Variants in ADAMTS3 observed in about 807,000 individuals in gnomAD.
ADAMTS3 encodes the protein ADAM metallopeptidase with thrombospondin type 1 motif 3, also known as A disintegrin and metalloproteinase with thrombospondin motifs 3.
Under a neutral mutation model 129.0 loss-of-function variants are expected in ADAMTS3, and 73 were observed. The observed-to-expected ratio is 0.57, with a 90% CI of 0.47 to 0.69. ADAMTS3 has a LOEUF of 0.69. Ranked by LOEUF, ADAMTS3 falls within the 30% of genes least tolerant of loss-of-function variation. The pLI, the probability that ADAMTS3 is intolerant of heterozygous loss-of-function variation, is 0.00. For synonymous variants in ADAMTS3, 477 were observed against 510.8 expected, an observed-to-expected ratio of 0.93 and a Z score of 0.89; for missense variants, 1,457 against 1,514.5, an observed-to-expected ratio of 0.96 and a Z score of 0.63.
At chr4:72,301,763 A>G (rs747867989) in intron 17 of ADAMTS3, among the ~76,000 whole-genome samples, 3 of 152,016 alleles carry the variant, frequency 2.0e-5, no homozygotes, top group Non-Finnish European at 4.4e-5. Context: ...CAATCCTTGT[A>G]AGAAGAGAAA....
chr4:72,521,152 C>G (rs891712193), intron 3 of ADAMTS3, among the ~76,000 whole-genome samples: 2 of 152,020 alleles, frequency 1.3e-5, no homozygotes, highest in African/African-American at 2.4e-5. Context: ...TTCCTGCCAC[C>G]ACCCCCAGCT....
At position 72,323,020 on chromosome 4, in the gene ADAMTS3, A is replaced by G. The variant is rs370250418; in HGVS notation, c.939T>C (p.Tyr313=). 1.1e-5 allele frequency: 18 copies of G among 1,612,410 alleles called. No homozygotes were observed. The African/African-American group carries it at 1.3e-4, about 12-fold the overall frequency. ...ATGTTTTAAGACATTTTACCTTTGC[A>G]TATCCCAGCATTATCATGCGCACCA... ...VVLVRMIMLG[Y]AKSISLIERG... is the part of the protein sequence containing the mutation. Residue 313 remains tyrosine (Y), a synonymous_variant, in exon 6 of 22, where the codon TAT becomes TAC. Transcript: ENST00000286657.
At chr4:72,536,984 A>C (rs959144625) in intron 3 of ADAMTS3, among the ~76,000 whole-genome samples, 1 of 152,232 alleles carries the variant, frequency 6.6e-6, no homozygotes, top group Non-Finnish European at 1.5e-5. Context: ...AAGCACCAAG[A>C]ATTTCCCCAC....
intron 2 of ADAMTS3, among the ~76,000 whole-genome samples, chr4:72,557,300 A>G (rs1249252533): frequency 6.6e-6 from 1 of 151,974 alleles, no homozygotes; most frequent in East Asian, 1.9e-4. Flanking sequence ...AAGAATGGAC[A>G]TTAAGGAGGA....
chr4:72,327,720 A>C (rs1023498430), intron 5 of ADAMTS3, among the ~76,000 whole-genome samples: 3 of 152,186 alleles, frequency 2.0e-5, no homozygotes, highest in Non-Finnish European at 4.4e-5. Context: ...GTCGTTATAC[A>C]TAGGATGTGG....
Position 72,548,877 on chromosome 4 carries a change from T to C in ADAMTS3, c.105A>G (p.Pro35=), listed in dbSNP as rs960736691. The C allele has an allele frequency of 1.1e-5, 17 of 1,603,696 alleles. No homozygotes were observed. The highest frequency in any genetic ancestry group is 1.4e-5 in the Non-Finnish European group (16 of 1,174,230). Residue 35 remains proline (P), a synonymous_variant, in exon 3 of 22, where the codon CCA becomes CCG. Coordinates refer to ENST00000286657, the MANE Select transcript of ADAMTS3 (RefSeq NM_014243.3). ...GNEEMVQIDL[P]IKRYREYELV... is the part of the protein sequence containing the mutation. ...GCTCATACTCTCTATATCTCTTTAT[T>C]GGTAAATCTGTGGGGTGAAAAACAG...
chr4:72,305,353 C>T (rs931953230), intron 16 of ADAMTS3, among the ~76,000 whole-genome samples: 1 of 151,962 alleles, frequency 6.6e-6, no homozygotes, highest in African/African-American at 2.4e-5. Context: ...TAAAATTCAC[C>T]TGTGGTTGCT....
intron 3 of ADAMTS3, among the ~76,000 whole-genome samples, chr4:72,466,763 T>G (rs1718931263): frequency 6.6e-6 from 1 of 151,996 alleles, no homozygotes; most frequent in Non-Finnish European, 1.5e-5. Flanking sequence ...TCATTTCCAT[T>G]TATACTCATC....
rs769249527 is a variant in ADAMTS3 at position 72,283,085 on chromosome 4, G to C, written c.*51C>G. The C allele has an allele frequency of 2.1e-6, 3 of 1,462,604 alleles. No homozygotes were observed. The highest frequency in any genetic ancestry group is 1.9e-6 in the Non-Finnish European group (2 of 1,071,932). 90.6% of individuals were successfully genotyped at this position (1,462,604 alleles called of 1,614,324 possible). ...AACAAGCATATGCACCATGGGAAGAGAGAGGTTGTCCAGGTTTTCCTCTGG... is the reference window on the plus strand; with the variant it reads ...AACAAGCATATGCACCATGGGAAGACAGAGGTTGTCCAGGTTTTCCTCTGG... On this transcript the variant is annotated 3_prime_UTR_variant, in exon 22 of 22. Transcript: ENST00000286657.
intron 3 of ADAMTS3, among the ~76,000 whole-genome samples, chr4:72,451,125 A>G (rs1310391554): frequency 1.3e-5 from 2 of 151,752 alleles, no homozygotes; most frequent in African/African-American, 2.4e-5. Context: ...CTTTCATGAA[A>G]TCATCTACAG....
At chr4:72,409,810 T>C (rs972238639) in intron 4 of ADAMTS3, among the ~76,000 whole-genome samples, 4 of 152,274 alleles carry the variant, frequency 2.6e-5, no homozygotes, top group African/African-American at 9.6e-5. Flanking sequence ...TTGTTATAAA[T>C]ACCCCAACTG....
intron 3 of ADAMTS3, among the ~76,000 whole-genome samples, chr4:72,421,080 C>T (rs574859722): frequency 1.3e-5 from 2 of 152,216 alleles, no homozygotes; most frequent in Non-Finnish European, 2.9e-5. Flanking sequence ...GTCCATATAA[C>T]GTTAGGAAAC....
chr4:72,442,820 T>C (rs2109961875), intron 3 of ADAMTS3, among the ~76,000 whole-genome samples: 1 of 151,902 alleles, frequency 6.6e-6, no homozygotes, highest in Middle Eastern at 3.4e-3. Flanking sequence ...TTTCTGTTTT[T>C]CCATCCTGAA....
intron 3 of ADAMTS3, among the ~76,000 whole-genome samples, chr4:72,487,902 TTAAGAGAAAAAATAGCTCTTCC>T (rs1285122579): frequency 3.9e-5 from 6 of 152,044 alleles, no homozygotes; most frequent in African/African-American, 1.2e-4. Flanking sequence ...AAGGCTTGAC[TTAAGAGAAAAAATAGCTCTTCC>T]TAAGAGAAAA....
chr4:72,462,424 G>A (rs1349815150), intron 3 of ADAMTS3, among the ~76,000 whole-genome samples: 1 of 151,990 alleles, frequency 6.6e-6, no homozygotes, highest in African/African-American at 2.4e-5. Context: ...AAGACTCACA[G>A]ACTAAAAGTA....
At chr4:72,368,704 T>G (rs888787487) in intron 4 of ADAMTS3, among the ~76,000 whole-genome samples, 1 of 152,204 alleles carries the variant, frequency 6.6e-6, no homozygotes, top group African/African-American at 2.4e-5. Context: ...CCAAAATGAC[T>G]TCAGAACAAG....
intron 3 of ADAMTS3, among the ~76,000 whole-genome samples, chr4:72,455,955 T>C (rs1215267855): frequency 1.1e-5 from 1 of 91,966 alleles, no homozygotes; most frequent in African/African-American, 4.4e-5. Context: ...ATACAGTATA[T>C]ATACTATATA....
intron 3 of ADAMTS3, among the ~76,000 whole-genome samples, chr4:72,475,269 A>C (rs1168288879): frequency 2.6e-5 from 4 of 152,002 alleles, no homozygotes; most frequent in Non-Finnish European, 5.9e-5. Context: ...GTCTACAAGA[A>C]ACTCTCTTCA....
intron 3 of ADAMTS3, among the ~76,000 whole-genome samples, chr4:72,499,115 C>T (rs954959885): frequency 1.3e-5 from 2 of 151,986 alleles, no homozygotes; most frequent in African/African-American, 2.4e-5. Context: ...GAGACTCATA[C>T]CAAAGGAAGT....
Sources: gnomAD v4.1 joint callset for allele counts (sites outside exome capture counted in the v4.1 genomes callset) on GRCh38, gnomAD v4.1.1 for gene constraint, MANE v1.5 for transcripts, NCBI Gene and HGNC (gene_info 2026-07-23, HGNC 2026-07-21) for gene names.